STIM1: variants seen among roughly 807,000 people sequenced by gnomAD.
The protein encoded by STIM1 is stromal interaction molecule 1.
Under a neutral mutation model 74.7 loss-of-function variants are expected in STIM1, and 25 were observed. The ratio of observed to expected loss-of-function variants is 0.33; its 90% CI spans 0.24 to 0.47. STIM1 has a LOEUF of 0.47. STIM1 is among the 20% of genes least tolerant of loss of function. The pLI is 1.00. For missense variants in STIM1, 728 were observed against 920.8 expected (o/e 0.79, Z 2.71); for synonymous variants, 328 against 348.8 (o/e 0.94, Z 0.66).
chr11:3,919,922 T>G (rs1327252030), intron 1 of STIM1, among the ~76,000 whole-genome samples: 2 of 151,944 alleles, frequency 1.3e-5, no homozygotes, highest in African/African-American at 4.8e-5. Context: ...CACAAAAAAT[T>G]AAAAAATTAG....
chr11:4,079,276 G>C (rs1196584823), intron 7 of STIM1, among the ~76,000 whole-genome samples: 2 of 151,780 alleles, frequency 1.3e-5, no homozygotes, highest in Non-Finnish European at 2.9e-5. Flanking sequence ...CTGGGTGACA[G>C]AGCAAGACTC....
At chr11:3,922,079 C>T (rs1004755344) in intron 1 of STIM1, among the ~76,000 whole-genome samples, 22 of 152,106 alleles carry the variant, frequency 1.4e-4, no homozygotes, top group Admixed American at 3.3e-4. Flanking sequence ...TTTTAAGCAA[C>T]TAAATTTTGG....
At chr11:4,013,532 C>A (rs1280214759) in intron 2 of STIM1, among the ~76,000 whole-genome samples, 4 of 150,910 alleles carry the variant, frequency 2.7e-5, no homozygotes, top group African/African-American at 9.7e-5. Context: ...TTATTTTATT[C>A]TCTTTGTGTA....
intron 1 of STIM1, among the ~76,000 whole-genome samples, chr11:3,862,945 T>A (rs1229317284): frequency 6.6e-6 from 1 of 151,750 alleles, no homozygotes; most frequent in Non-Finnish European, 1.5e-5. Flanking sequence ...CAGGCTGGAG[T>A]GCAATGGCGC....
intron 3 of STIM1, among the ~76,000 whole-genome samples, chr11:4,036,280 A>G (rs755372968): frequency 6.6e-6 from 1 of 152,096 alleles, no homozygotes; most frequent in Non-Finnish European, 1.5e-5. Context: ...GGTTGATTCC[A>G]TGTCTTTGCT....
At chr11:3,889,145 C>T in intron 1 of STIM1, among the ~76,000 whole-genome samples, 1 of 147,900 alleles carries the variant, frequency 6.8e-6, no homozygotes, top group East Asian at 2.0e-4. Flanking sequence ...CAACAGCAGT[C>T]ATCATACTAG....
At chr11:3,989,236 G>C (rs1024588952) in intron 2 of STIM1, 2 of 871,660 alleles carry the variant, frequency 2.3e-6, no homozygotes, top group East Asian at 4.8e-5. Flanking sequence ...GTTTACTGCA[G>C]GTAAATGTTC....
At chr11:4,083,635 A>G in intron 10 of STIM1, 137 bp downstream of exon 10, 2 of 822,574 alleles carry the variant, frequency 2.4e-6, no homozygotes, top group Non-Finnish European at 4.0e-6. Context: ...TTGGTCAATA[A>G]AGCACAATTT....
At chr11:4,010,651 A>C (rs577267839) in intron 2 of STIM1, among the ~76,000 whole-genome samples, 4 of 152,262 alleles carry the variant, frequency 2.6e-5, no homozygotes, top group Admixed American at 2.0e-4. Flanking sequence ...AGAGAGGCAA[A>C]GTAGCTTGCC....
chr11:3,882,140 C>T (rs1310332324), intron 1 of STIM1, among the ~76,000 whole-genome samples: 4 of 134,234 alleles, frequency 3.0e-5, no homozygotes, highest in Non-Finnish European at 1.5e-5. Context: ...GCTCTTGTTG[C>T]CCAGGCTGGA....
At chr11:3,984,401 G>A (rs1565136856) in intron 2 of STIM1, among the ~76,000 whole-genome samples, 1 of 152,178 alleles carries the variant, frequency 6.6e-6, no homozygotes, top group African/African-American at 2.4e-5. Flanking sequence ...ATTGAAGTCT[G>A]CTCAGGCCCT....
At chr11:4,085,156 G>C (rs2094486170) in intron 11 of STIM1, among the ~76,000 whole-genome samples, 1 of 143,258 alleles carries the variant, frequency 7.0e-6, no homozygotes, top group African/African-American at 2.8e-5. Flanking sequence ...CCCTATTCCA[G>C]ACTTCCTCAT....
intron 2 of STIM1, among the ~76,000 whole-genome samples, chr11:3,998,786 G>A (rs2093685130): frequency 6.6e-6 from 1 of 151,512 alleles, no homozygotes; most frequent in Non-Finnish European, 1.5e-5. Flanking sequence ...TTATTTAATA[G>A]ACAAAGAGTG....
intron 2 of STIM1, among the ~76,000 whole-genome samples, chr11:4,008,851 G>T (rs1301254616): frequency 6.6e-6 from 1 of 152,076 alleles, no homozygotes; most frequent in East Asian, 1.9e-4. Flanking sequence ...GCCAGGAATT[G>T]ATTTTTTTTT....
intron 1 of STIM1, among the ~76,000 whole-genome samples, chr11:3,889,461 G>A (rs888519984): frequency 1.9e-4 from 29 of 151,292 alleles, no homozygotes; most frequent in African/African-American, 7.1e-4. Flanking sequence ...TTCACCTCCT[G>A]GGTCCAAGCG....
chr11:4,049,113 T>C (rs1030707305), intron 3 of STIM1, among the ~76,000 whole-genome samples: 6 of 152,360 alleles, frequency 3.9e-5, no homozygotes, highest in Admixed American at 3.3e-4. Flanking sequence ...TCACTAGCTC[T>C]AGTGCTCCAC....
chr11:4,063,791 G>A (rs2065887179), intron 5 of STIM1, among the ~76,000 whole-genome samples: 1 of 152,058 alleles, frequency 6.6e-6, no homozygotes, highest in South Asian at 2.1e-4. Flanking sequence ...TGTGACCTTG[G>A]GTAGTCACTT....
intron 1 of STIM1, among the ~76,000 whole-genome samples, chr11:3,901,471 T>C (rs534157513): frequency 6.6e-6 from 1 of 152,130 alleles, no homozygotes; most frequent in Non-Finnish European, 1.5e-5. Flanking sequence ...CTTGGAGAAG[T>C]AGTATGGCCA....
At chr11:4,022,479 T>C (rs1335580632) in intron 2 of STIM1, among the ~76,000 whole-genome samples, 1 of 152,102 alleles carries the variant, frequency 6.6e-6, no homozygotes, top group Non-Finnish European at 1.5e-5. Context: ...TCTTGCCTAA[T>C]TGCTCTGGCT....
Sources: gnomAD v4.1 joint callset for allele counts (sites outside exome capture counted in the v4.1 genomes callset) on GRCh38, gnomAD v4.1.1 for gene constraint, MANE v1.5 for transcripts, NCBI Gene and HGNC (gene_info 2026-07-23, HGNC 2026-07-21) for gene names.